Variants in ZNF713 observed in about 807,000 individuals in gnomAD.
ZNF713 encodes the protein zinc finger protein 713.
In ZNF713, 21 loss-of-function variants were observed where a neutral mutation model predicts 28.7. The observed-to-expected ratio is 0.73, with a 90% confidence interval of 0.52 to 1.05. The LOEUF is 1.05. Among genes scored for constraint, ZNF713 ranks in the 50% least tolerant of loss-of-function variants. The probability of loss-of-function intolerance (pLI) is 0.00; values close to 1 mark genes in which losing one functional copy is unlikely to be tolerated. For synonymous variants in ZNF713, 167 were observed against 178.0 expected (o/e 0.94, Z 0.49); for missense variants, 458 against 532.4 (o/e 0.86, Z 1.37).
chr7:55,937,538 C>T (rs544651881), intron 6 of ZNF713, among the ~76,000 whole-genome samples: 1 of 152,134 alleles, frequency 6.6e-6, no homozygotes, highest in African/African-American at 2.4e-5. Context: ...TTACCCAGGA[C>T]TGAGCATTTT....
intron 1 of ZNF713, among the ~76,000 whole-genome samples, chr7:55,895,287 G>A (rs903794597): frequency 3.9e-5 from 6 of 152,098 alleles, no homozygotes; most frequent in African/African-American, 1.4e-4. Flanking sequence ...ATGTGACATT[G>A]ATTAGATAGA....
chr7:55,917,170 C>T (rs1382601238), intron 4 of ZNF713, among the ~76,000 whole-genome samples: 5 of 151,252 alleles, frequency 3.3e-5, no homozygotes, highest in East Asian at 2.0e-4. Context: ...GCCGAGATTG[C>T]GCCACTGCAC....
chr7:55,892,576 A>AAAC (rs1366245142), intron 1 of ZNF713, among the ~76,000 whole-genome samples: 2 of 150,700 alleles, frequency 1.3e-5, no homozygotes, highest in Non-Finnish European at 1.5e-5. Flanking sequence ...AAAAAAAAAA[A>AAAC]AACAAAGCAG....
chr7:55,940,448 A>C lies in ZNF713; in HGVS notation c.*442A>C, dbSNP rs1228353256. 1 of 986,770 alleles carries C rather than the reference A, an allele frequency of 1.0e-6. No individual in the cohort carries two copies. The highest frequency in any genetic ancestry group is 1.7e-5 in the African/African-American group (1 of 57,246). 61.1% of individuals were successfully genotyped at this position (986,770 alleles called of 1,614,324 possible). On this transcript the variant is annotated 3_prime_UTR_variant, in exon 7 of 7. Transcript: ENST00000429591. ...CATAAACTTTCAATGCGTAGAAACC[A>C]AATTAATTTAGACCTTAAACTAGCA...
At chr7:55,918,908 C>T (rs1167932858) in intron 4 of ZNF713, among the ~76,000 whole-genome samples, 1 of 151,888 alleles carries the variant, frequency 6.6e-6, no homozygotes, top group African/African-American at 2.4e-5. Flanking sequence ...ACAGGAGAAT[C>T]GCCTGAACCC....
intron 5 of ZNF713, 92 bp from the exon 6 acceptor site, chr7:55,923,515 C>A: frequency 8.1e-7 from 1 of 1,236,728 alleles, no homozygotes; most frequent in Non-Finnish European, 1.1e-6. Flanking sequence ...GTCTCCCCTC[C>A]AGAGGCTCTA....
rs1264471216 is a variant in ZNF713, at chr7:55,911,870, G to A, written c.-201G>A. The A allele has an allele frequency of 6.6e-6, 1 of 152,156 alleles. No homozygotes were observed. Among genetic ancestry groups the A allele is most frequent in the African/African-American group, 2.4e-5 (1 of 41,432 alleles). 9.4% of individuals were successfully genotyped at this position (152,156 alleles called of 1,614,324 possible). On this transcript the variant is annotated 5_prime_UTR_variant, in exon 3 of 7. An upstream open reading frame in the 5' UTR loses its in-frame stop. Transcript: ENST00000429591. ...TCTAATCAGAGATGGGGCACCTTTAGTACCAGGGGAGTGACTGTTGCCCAT... is the reference window on the plus strand; with the variant it reads ...TCTAATCAGAGATGGGGCACCTTTAATACCAGGGGAGTGACTGTTGCCCAT...
chr7:55,909,525 T>G (rs1351210778), intron 2 of ZNF713, among the ~76,000 whole-genome samples: 2 of 152,222 alleles, frequency 1.3e-5, no homozygotes, highest in African/African-American at 4.8e-5. Context: ...ATTCAGGCTC[T>G]TTTTTGGTTC....
chr7:55,938,778 T>C (rs1207323495), intron 6 of ZNF713, among the ~76,000 whole-genome samples: 1 of 152,160 alleles, frequency 6.6e-6, no homozygotes, highest in East Asian at 1.9e-4. Context: ...GTTTAAAAAT[T>C]TCCCCCTGCT....
At chr7:55,908,146 T>C (rs1034058619) in intron 2 of ZNF713, among the ~76,000 whole-genome samples, 1 of 133,254 alleles carries the variant, frequency 7.5e-6, no homozygotes, top group African/African-American at 3.3e-5. Context: ...TTTTTTTTTT[T>C]TTTTTTTTTT....
rs183754531 is a variant in ZNF713 at position 55,908,384 on chromosome 7, G to A, written c.-456+2005G>A. On this transcript the variant is annotated intron_variant, in intron 2 of 6. Coordinates refer to ENST00000429591, the MANE Select transcript of ZNF713 (RefSeq NM_182633.3). Reference sequence around the variant, plus strand: ...TCTCGAACTCCTGACCACATGATCCGCCTGCCTTGGCCTCCCAAAGTGCTA... The same window carrying A: ...TCTCGAACTCCTGACCACATGATCCACCTGCCTTGGCCTCCCAAAGTGCTA... 1.2e-3 allele frequency among the ~76,000 whole-genome samples: 188 copies of A among 151,972 alleles called. No individual in the cohort carries two copies. The Middle Eastern group carries it at 0.02, about 16-fold the overall frequency.
intron 6 of ZNF713, among the ~76,000 whole-genome samples, chr7:55,927,650 A>T (rs111313605): frequency 1.2e-4 from 18 of 152,118 alleles, no homozygotes; most frequent in African/African-American, 4.3e-4. Context: ...CAATCCCAGC[A>T]CTTTGGGAGG....
chr7:55,908,077 C>A (rs1199768477), intron 2 of ZNF713, among the ~76,000 whole-genome samples: 1 of 151,198 alleles, frequency 6.6e-6, no homozygotes, highest in African/African-American at 2.4e-5. Context: ...AATTTACATT[C>A]CCACCAGCAG....
chr7:55,938,939 T>C (rs750780520), intron 6 of ZNF713, 43 bp from the exon 7 acceptor site: 1 of 1,515,780 alleles, frequency 6.6e-7, no homozygotes, highest in Non-Finnish European at 8.9e-7. Context: ...ATAGATAACA[T>C]GAGAATATTG....
At position 55,935,213 on chromosome 7, in the gene ZNF713, T is replaced by C. The variant is rs1198491578; in HGVS notation, c.308-3769T>C. 2.0e-5 allele frequency among the ~76,000 whole-genome samples: 3 copies of C among 152,146 alleles called. No homozygotes were observed. The East Asian group carries it at 5.8e-4, about 29-fold the overall frequency. ...CTGGCATTGCATATTGTCTGTCATA[T>C]TGAAATACTAGCTTAGGTCCATAAG... On this transcript the variant is annotated intron_variant, in intron 6 of 6. Transcript: ENST00000429591.
rs1467568734 is a variant in ZNF713, at chr7:55,912,669, G to A, written c.33G>A (p.Glu11=). The change falls in exon 4 of 7, where the codon GAG becomes GAA. Residue 11 remains glutamate (E), a synonymous_variant. Transcript: ENST00000429591. MPSQNAVFSQ[E]GNMEEEEMND... is the part of the protein sequence containing the mutation. ...CTCAGAATGCTGTTTTTTCTCAGGA[G>A]GGGAACATGGAGGAGGAAGAAATGA... 1.2e-6 allele frequency: 2 copies of A among 1,613,500 alleles called. No homozygotes were observed. Among genetic ancestry groups the A allele is most frequent in the South Asian group, 1.1e-5 (1 of 90,766 alleles).
intron 6 of ZNF713, among the ~76,000 whole-genome samples, chr7:55,934,884 C>CTTT (rs35877447): frequency 7.6e-6 from 1 of 131,584 alleles, no homozygotes; most frequent in African/African-American, 2.8e-5. Flanking sequence ...CTGGCATTGC[C>CTTT]TTTTTTTTTT....
chr7:55,921,999 C>T (rs964748505), intron 4 of ZNF713, among the ~76,000 whole-genome samples: 7 of 152,078 alleles, frequency 4.6e-5, no homozygotes, highest in Non-Finnish European at 8.8e-5. Context: ...AGTCTTGGCT[C>T]GTTACAACCT....
At chr7:55,930,107 C>CTGGA (rs1262253958) in intron 6 of ZNF713, among the ~76,000 whole-genome samples, 2 of 151,932 alleles carry the variant, frequency 1.3e-5, no homozygotes, top group Non-Finnish European at 2.9e-5. Context: ...GTTGCCCAGG[C>CTGGA]TGGAGTGCAG....
Sources: gnomAD v4.1 joint callset for allele counts (sites outside exome capture counted in the v4.1 genomes callset) on GRCh38, gnomAD v4.1.1 for gene constraint, MANE v1.5 for transcripts, NCBI Gene and HGNC (gene_info 2026-07-23, HGNC 2026-07-21) for gene names.